CATIP: variants seen among roughly 807,000 people sequenced by gnomAD.
The protein encoded by CATIP is ciliogenesis-associated TTC17-interacting protein.
CATIP carries 40 observed loss-of-function variants against 42.5 expected under a neutral mutation model. The ratio of observed to expected loss-of-function variants is 0.94; its 90% CI spans 0.73 to 1.22. CATIP has a LOEUF of 1.22. Ranked by LOEUF, CATIP falls within the 50% of genes most tolerant of loss-of-function variation. The pLI is 0.00. For synonymous variants in CATIP, 222 were observed against 200.2 expected (o/e 1.11, Z -0.92); for missense variants, 489 against 496.0 (o/e 0.99, Z 0.13).
chr2:218,360,465 T>A, intron 4 of CATIP, 108 bp from the exon 5 acceptor site: 3 of 851,086 alleles, frequency 3.5e-6, no homozygotes, highest in Non-Finnish European at 5.6e-6. Flanking sequence ...GCTTTTTTTT[T>A]AAGTCACAAT....
At chr2:218,362,404 C>G (rs1296951156) in intron 5 of CATIP, among the ~76,000 whole-genome samples, 1 of 150,432 alleles carries the variant, frequency 6.6e-6, no homozygotes, top group East Asian at 1.9e-4. Flanking sequence ...CTTTGGGAGG[C>G]AGAGGGGGCC....
intron 6 of CATIP, among the ~76,000 whole-genome samples, 173 bp downstream of exon 6, chr2:218,363,075 G>A (rs1279571528): frequency 1.9e-4 from 29 of 152,172 alleles, no homozygotes; most frequent in Non-Finnish European, 1.5e-5. Context: ...CTGGGAGTGT[G>A]GGGCAGATGA....
intron 4 of CATIP, among the ~76,000 whole-genome samples, chr2:218,358,816 C>T (rs1000726209): frequency 7.2e-6 from 1 of 138,632 alleles, no homozygotes; most frequent in African/African-American, 2.7e-5. Context: ...CCCAGGAGGT[C>T]AAGACTGCAG....
chr2:218,364,371 T>C (rs558044100), intron 6 of CATIP, among the ~76,000 whole-genome samples: 1 of 151,984 alleles, frequency 6.6e-6, no homozygotes, highest in East Asian at 1.9e-4. Flanking sequence ...CCCCCCCGCA[T>C]ACCGCTTCTC....
At chr2:218,361,058 C>T (rs1170020040) in intron 5 of CATIP, among the ~76,000 whole-genome samples, 2 of 151,708 alleles carry the variant, frequency 1.3e-5, no homozygotes, top group Admixed American at 6.6e-5. Flanking sequence ...CTCAAACTCC[C>T]GACCTCAGGT....
chr2:218,358,963 G>T (rs896185553), intron 4 of CATIP, among the ~76,000 whole-genome samples: 5 of 151,982 alleles, frequency 3.3e-5, no homozygotes, highest in African/African-American at 1.2e-4. Context: ...CCAGCAATTT[G>T]GGAGGCTGAG....
At position 218,367,123 on chromosome 2, in the gene CATIP, G is replaced by T. The variant is rs776623519; in HGVS notation, c.832+23G>T. On this transcript the variant is annotated intron_variant, in intron 8 of 9. Coordinates refer to ENST00000289388, the MANE Select transcript of CATIP (RefSeq NM_198559.2). ...AGGGTGAGTGAAGCCCAGGCCTTGT[G>T]CAGGCAGGGAGAGTTAAGGGGAGTG... The T allele has an allele frequency of 1.9e-6, 3 of 1,586,390 alleles. No homozygotes were observed. The South Asian group carries it at 3.3e-5, about 18-fold the overall frequency.
intron 7 of CATIP, 80 bp downstream of exon 7, chr2:218,364,832 C>G (rs1695370314): frequency 4.0e-6 from 6 of 1,490,702 alleles, no homozygotes; most frequent in Non-Finnish European, 5.5e-6. Context: ...CTGGGGATAG[C>G]ACCAGGAAGA....
rs777422256 is a variant in CATIP, at chr2:218,362,757, C to A, written c.485C>A (p.Ser162Tyr). The A allele has an allele frequency of 5.2e-5, 84 of 1,614,036 alleles. No individual in the cohort carries two copies. The East Asian group carries it at 1.8e-3, about 35-fold the overall frequency. Residue 162 changes from serine (S) to tyrosine (Y), a missense_variant, in exon 6 of 10, where the codon TCT (serine) becomes TAT (tyrosine). Ser to Tyr is a moderately radical substitution (Grantham distance 144). Coordinates refer to ENST00000289388, the MANE Select transcript of CATIP (RefSeq NM_198559.2). Reference sequence around the variant, plus strand: ...CAGGAAGTGAAGACTGGAGTGACTTCTTTCCCCTGGAGCTCAATCAAGGGC... The same window carrying A: ...CAGGAAGTGAAGACTGGAGTGACTTATTTCCCCTGGAGCTCAATCAAGGGC... Reference protein sequence around the residue: ...EGEEVKTGVTSFPWSSIKGFI... With the variant: ...EGEEVKTGVTYFPWSSIKGFI...
At position 218,356,906 on chromosome 2, in the gene CATIP, A is replaced by C; in HGVS notation, c.22A>C (p.Thr8Pro). MSSKVYS[T>P]GSRAKDHQPS... ...CAGCATGTCCTCCAAGGTTTACTCC[A>C]CAGGTGGGAAGAGGACTGCTGGGGC... is the stretch of plus-strand genomic sequence containing the variant. The change falls in exon 1 of 10, where the codon ACA (threonine) becomes CCA (proline). Residue 8 changes from threonine to proline, a missense_variant. Transcript: ENST00000289388. 6.2e-7 allele frequency: 1 copy of C among 1,614,052 alleles called. No individual in the cohort carries two copies. The highest frequency in any genetic ancestry group is 1.1e-5 in the South Asian group (1 of 91,080).
rs1695520712 is a variant in CATIP at position 218,367,828 on chromosome 2, T to G, written c.1028T>G (p.Val343Gly). ...LFLLLRQPEDVVTFAAEFFGP... is the reference protein window; with the variant it reads ...LFLLLRQPEDGVTFAAEFFGP... ...CTGCTGCTGCGCCAGCCGGAGGACG[T>G]GGTCACCTTCGCCGCCGAGTTCTTC... The change falls in exon 10 of 10, where the codon GTG (valine) becomes GGG (glycine). Residue 343 changes from valine (V) to glycine (G), a missense_variant. Coordinates refer to ENST00000289388, the MANE Select transcript of CATIP (RefSeq NM_198559.2). 6.2e-7 allele frequency: 1 copy of G among 1,613,144 alleles called. No individual in the cohort carries two copies. Among genetic ancestry groups the G allele is most frequent in the Non-Finnish European group, 8.5e-7 (1 of 1,179,878 alleles).
intron 6 of CATIP, among the ~76,000 whole-genome samples, chr2:218,363,752 T>G (rs1695325353): frequency 6.6e-6 from 1 of 152,070 alleles, no homozygotes; most frequent in Admixed American, 6.6e-5. Flanking sequence ...GAGGTTGCAG[T>G]GAGCTGAGAT....
At chr2:218,363,408 C>T (rs1378799834) in intron 6 of CATIP, among the ~76,000 whole-genome samples, 3 of 151,064 alleles carry the variant, frequency 2.0e-5, no homozygotes, top group Non-Finnish European at 4.4e-5. Flanking sequence ...ATGGCGTGAA[C>T]CCGGGAGGCA....
intron 4 of CATIP, among the ~76,000 whole-genome samples, chr2:218,359,341 C>CAAAAAAAAAAAAAAAAAAAA (rs140677940): frequency 3.8e-5 from 3 of 79,712 alleles, no homozygotes; most frequent in African/African-American, 1.5e-4. Context: ...GACTCTGTCT[C>CAAAAAAAAAAAAAAAAAAAA]AAAAAAAAAA....
chr2:218,357,322 T>C, intron 2 of CATIP, 135 bp downstream of exon 2: 3 of 714,968 alleles, frequency 4.2e-6, no homozygotes, highest in South Asian at 1.9e-5. Flanking sequence ...AGAAAAGGCC[T>C]GAGGCCTGTT....
chr2:218,358,899 A>AG (rs60512343), intron 4 of CATIP, among the ~76,000 whole-genome samples: 1 of 149,288 alleles, frequency 6.7e-6, no homozygotes, highest in African/African-American at 2.5e-5. Context: ...AAAAAAAAAA[A>AG]GAAAAAAGAA....
rs757915730 is a variant in CATIP, at chr2:218,363,594, G to A, written c.630+692G>A. Among the ~76,000 whole-genome samples the A allele has an allele frequency of 2.6e-5, 4 of 152,024 alleles. No individual in the cohort carries two copies. The East Asian group carries it at 5.8e-4, about 22-fold the overall frequency. ...AAGGTGGGCAGATCACTTGAAGTTAGGAGGTCAAGATCAGCCTGGCCAACA... is the reference window on the plus strand; with the variant it reads ...AAGGTGGGCAGATCACTTGAAGTTAAGAGGTCAAGATCAGCCTGGCCAACA... On this transcript the variant is annotated intron_variant, in intron 6 of 9. Transcript: ENST00000289388.
At chr2:218,361,945 C>T (rs1695247791) in intron 5 of CATIP, among the ~76,000 whole-genome samples, 2 of 150,726 alleles carry the variant, frequency 1.3e-5, no homozygotes, top group South Asian at 4.2e-4. Context: ...AAGCAAGAGG[C>T]AGGAGGATAG....
intron 2 of CATIP, 134 bp from the exon 3 acceptor site, chr2:218,357,400 C>T (rs10172824): frequency 0.54 from 424,890 of 785,498 alleles, 118,534 homozygotes; most frequent in South Asian, 0.66. Context: ...TTCACCTGTC[C>T]GTGCCAGTGA....
Sources: allele counts gnomAD v4.1 joint callset (sites outside exome capture counted in the v4.1 genomes callset), GRCh38; gene constraint gnomAD v4.1.1; transcripts MANE v1.5; gene names NCBI Gene and HGNC (gene_info 2026-07-23, HGNC 2026-07-21).